Variants in ABLIM2 observed in about 807,000 individuals in gnomAD.
ABLIM2 encodes actin binding LIM protein family member 2.
In ABLIM2, 53 loss-of-function variants were observed where a neutral mutation model predicts 97.7. The observed-to-expected ratio is 0.54, with a 90% CI of 0.44 to 0.68. The LOEUF (loss-of-function observed/expected upper bound fraction) is 0.68. Among genes scored for constraint, ABLIM2 ranks in the 30% least tolerant of loss-of-function variants. The probability of loss-of-function intolerance (pLI) is 0.00; values close to 1 mark genes in which losing one functional copy is unlikely to be tolerated. For synonymous variants in ABLIM2, 361 were observed against 345.8 expected (o/e 1.04, Z -0.49); for missense variants, 835 against 867.2 (o/e 0.96, Z 0.47).
At chr4:8,158,596 G>T (rs1020015144) in intron 1 of ABLIM2, 84 bp downstream of exon 1, 3 of 1,462,604 alleles carry the variant, frequency 2.1e-6, no homozygotes, top group African/African-American at 2.9e-5. Context: ...GGCGTTGCAG[G>T]TGCAGCCTCC....
rs1753400194 is a variant in ABLIM2, at chr4:7,996,507, A to G, written c.1619-3580T>C. On this transcript the variant is annotated intron_variant, in intron 16 of 20. Coordinates refer to ENST00000447017, the MANE Select transcript of ABLIM2 (RefSeq NM_001130083.2). The surrounding 1 kb of genome is among the most constrained non-coding windows in gnomAD (Gnocchi z 4.5). ...CCATTTTATCCTCCCCACTTTGACT[A>G]TGATAGTCTCAGGGACGTCTTCTGT... 6.6e-6 allele frequency among the ~76,000 whole-genome samples: 1 copy of G among 152,176 alleles called. No individual in the cohort carries two copies.
At chr4:7,985,428 G>A (rs781016028) in intron 17 of ABLIM2, among the ~76,000 whole-genome samples, 2 of 152,114 alleles carry the variant, frequency 1.3e-5, no homozygotes, top group Non-Finnish European at 2.9e-5. Context: ...TGGCCAAGGG[G>A]GAAGACTGGC....
intron 1 of ABLIM2, 82 bp downstream of exon 1, chr4:8,158,598 G>A: frequency 1.4e-6 from 2 of 1,465,614 alleles, no homozygotes; most frequent in Non-Finnish European, 1.8e-6. Context: ...CGTTGCAGGT[G>A]CAGCCTCCGA....
intron 2 of ABLIM2, among the ~76,000 whole-genome samples, chr4:8,101,714 G>A (rs1252374457): frequency 6.6e-6 from 1 of 152,168 alleles, no homozygotes; most frequent in African/African-American, 2.4e-5. Context: ...GCTCTCCCGA[G>A]GGCACACATG....
At chr4:8,091,844 A>G (rs1389093298) in intron 3 of ABLIM2, among the ~76,000 whole-genome samples, 2 of 108,752 alleles carry the variant, frequency 1.8e-5, no homozygotes, top group Non-Finnish European at 3.4e-5. Flanking sequence ...AATATAATAT[A>G]TTATTTATAC....
At chr4:7,991,300 G>T (rs1030525941) in intron 17 of ABLIM2, among the ~76,000 whole-genome samples, 9 of 152,226 alleles carry the variant, frequency 5.9e-5, no homozygotes, top group Non-Finnish European at 1.3e-4. Flanking sequence ...CGTCAGTGAC[G>T]CAAGACTACA....
intron 6 of ABLIM2, among the ~76,000 whole-genome samples, chr4:8,070,929 T>C (rs1811565455): frequency 6.6e-6 from 1 of 152,096 alleles, no homozygotes; most frequent in South Asian, 2.1e-4. Context: ...ACCTCAGCCC[T>C]GACAGGGTTA....
rs115619740 is a variant in ABLIM2, at chr4:8,023,576, T to C, written c.1268-3273A>G. Among the ~76,000 whole-genome samples, 1,016 of 152,238 alleles carry C rather than the reference T, an allele frequency of 6.7e-3. 9 individuals carry two copies. The highest frequency in any genetic ancestry group is 0.023 in the African/African-American group (936 of 41,548). ...GTCATGCTCGTCAGCCATGGTGGCC[T>C]GCTCCACGGTGGACTTGCTCCTTCT... is the stretch of plus-strand genomic sequence containing the variant. On this transcript the variant is annotated intron_variant, in intron 12 of 20. Transcript: ENST00000447017. The surrounding 1 kb of genome is among the most constrained non-coding windows in gnomAD (Gnocchi z 5.7).
intron 17 of ABLIM2, among the ~76,000 whole-genome samples, chr4:7,988,392 G>A (rs1372750078): frequency 6.6e-6 from 1 of 152,354 alleles, no homozygotes; most frequent in Middle Eastern, 3.4e-3. Flanking sequence ...ACTCCAGGAG[G>A]TGGGCATGAT....
In ABLIM2 at chr4:8,003,265, A is replaced by C. The variant is rs545474548; in HGVS notation, c.1618+4794T>G. Among the ~76,000 whole-genome samples the C allele has an allele frequency of 6.6e-6, 1 of 152,368 alleles. No homozygotes were observed. The highest frequency in any genetic ancestry group is 2.1e-4 in the South Asian group (1 of 4,834). ...CCCAGCCTGCCTTAAACATGCTCAG[A>C]AACCTGCATTAGCCTTCGGCCAGGC... On this transcript the variant is annotated intron_variant, in intron 16 of 20. Coordinates refer to ENST00000447017, the MANE Select transcript of ABLIM2 (RefSeq NM_001130083.2). This position sits in a 1 kb window ranked among gnomAD's most constrained non-coding sequence, Gnocchi z 4.2.
rs1021679068 is a variant in ABLIM2, at chr4:8,155,890, G to A, written c.10+2790C>T. Among the ~76,000 whole-genome samples the A allele has an allele frequency of 6.6e-5, 10 of 152,202 alleles. No individual in the cohort carries two copies. Among genetic ancestry groups the A allele is most frequent in the African/African-American group, 1.9e-4 (8 of 41,512 alleles). On this transcript the variant is annotated intron_variant, in intron 1 of 20. Coordinates refer to ENST00000447017, the MANE Select transcript of ABLIM2 (RefSeq NM_001130083.2). The surrounding 1 kb of genome is among the most constrained non-coding windows in gnomAD (Gnocchi z 4.2). ...CGGGGCGAGGACACAGGGAGAGGGCGGCCGTCCACAAGCCAAGGAGAGGGG... is the reference window on the plus strand; with the variant it reads ...CGGGGCGAGGACACAGGGAGAGGGCAGCCGTCCACAAGCCAAGGAGAGGGG...
Position 8,002,825 on chromosome 4 carries a change from G to A in ABLIM2, c.1618+5234C>T, listed in dbSNP as rs1273382237. Among the ~76,000 whole-genome samples, 1 of 152,148 alleles carries A rather than the reference G, an allele frequency of 6.6e-6. No individual in the cohort carries two copies. The highest frequency in any genetic ancestry group is 1.9e-4 in the East Asian group (1 of 5,190). On this transcript the variant is annotated intron_variant, in intron 16 of 20. Coordinates refer to ENST00000447017, the MANE Select transcript of ABLIM2 (RefSeq NM_001130083.2). The surrounding 1 kb of genome is among the most constrained non-coding windows in gnomAD (Gnocchi z 6.1). ...GCCCGGCCTCCGCCCTGGGTGATGC[G>A]GAATGCTCTCCCCCATATACCGGCC...
At chr4:8,048,870 C>T (rs1794250139) in intron 8 of ABLIM2, among the ~76,000 whole-genome samples, 1 of 151,818 alleles carries the variant, frequency 6.6e-6, no homozygotes, top group Non-Finnish European at 1.5e-5. Flanking sequence ...CTGAGCTGAG[C>T]TGTCCCTGTG....
chr4:8,082,387 C>T lies in ABLIM2; in HGVS notation c.455-1585G>A, dbSNP rs1246860217. On this transcript the variant is annotated intron_variant, in intron 4 of 20. Coordinates refer to ENST00000447017, the MANE Select transcript of ABLIM2 (RefSeq NM_001130083.2). The surrounding 1 kb of genome is among the most constrained non-coding windows in gnomAD (Gnocchi z 5.6). The stretch of plus-strand genomic sequence containing the variant: ...TGCCCGGATCCAGTGCTAATTTACA[C>T]AGAAGACCTGGCCCAAAGCCTTGCG... Among the ~76,000 whole-genome samples the T allele has an allele frequency of 2.0e-5, 3 of 152,222 alleles. No homozygotes were observed. The highest frequency in any genetic ancestry group is 6.5e-5 in the Admixed American group (1 of 15,288).
chr4:8,050,846 C>T (rs758566280), intron 8 of ABLIM2, among the ~76,000 whole-genome samples: 9 of 152,338 alleles, frequency 5.9e-5, no homozygotes, highest in Non-Finnish European at 1.2e-4. Flanking sequence ...TCTCAGCCTG[C>T]GCCGCCTCCT....
At chr4:8,079,416 T>G (rs58334659) in intron 5 of ABLIM2, among the ~76,000 whole-genome samples, 3,419 of 152,260 alleles carry the variant, frequency 0.022, 133 homozygotes, top group African/African-American at 0.078. Flanking sequence ...GGGCTGGGCA[T>G]TTTCATTTTA....
In ABLIM2 at chr4:8,072,317, GGA is replaced by G. The variant is rs1484714192; in HGVS notation, c.675+5309_675+5310del. On this transcript the variant is annotated intron_variant, in intron 6 of 20. Coordinates refer to ENST00000447017, the MANE Select transcript of ABLIM2 (RefSeq NM_001130083.2). This position sits in a 1 kb window ranked among gnomAD's most constrained non-coding sequence, Gnocchi z 5.8. ...ACGCTTGCCTCCCAATCCATCAAGG[GGA>G]GGGGGGGCTGCCTGATGAAACCCAC... is the stretch of plus-strand genomic sequence containing the variant. Among the ~76,000 whole-genome samples the G allele has an allele frequency of 1.3e-5, 2 of 148,354 alleles. No individual in the cohort carries two copies. The highest frequency in any genetic ancestry group is 3.0e-5 in the Non-Finnish European group (2 of 67,178).
chr4:8,096,656 G>A (rs976315007), intron 3 of ABLIM2, among the ~76,000 whole-genome samples: 2 of 152,222 alleles, frequency 1.3e-5, no homozygotes, highest in Non-Finnish European at 2.9e-5. Context: ...TGTTTTTCAT[G>A]TTTCTCTTCT....
chr4:7,975,288 C>G (rs1396381489), intron 20 of ABLIM2, among the ~76,000 whole-genome samples: 2 of 152,216 alleles, frequency 1.3e-5, no homozygotes, highest in Non-Finnish European at 2.9e-5. Flanking sequence ...TCAGCAACAC[C>G]TTAGTTTGAA....
Sources: gnomAD v4.1 joint callset for allele counts (sites outside exome capture counted in the v4.1 genomes callset) on GRCh38, gnomAD v4.1.1 for gene constraint, Gnocchi (gnomAD v3.1) non-coding constraint, MANE v1.5 for transcripts, NCBI Gene and HGNC (gene_info 2026-07-23, HGNC 2026-07-21) for gene names.